The following PCMTD2 variants were observed in gnomAD, a reference collection of about 807,000 sequenced individuals.
PCMTD2 encodes the protein protein-L-isoaspartate O-methyltransferase domain-containing protein 2.
PCMTD2 carries 16 observed loss-of-function variants against 33.4 expected under a neutral mutation model. The observed-to-expected ratio is 0.48, with a 90% CI of 0.32 to 0.73. The LOEUF (loss-of-function observed/expected upper bound fraction) is 0.73. Ranked by LOEUF, PCMTD2 falls within the 30% of genes least tolerant of loss-of-function variation. The pLI, the probability that PCMTD2 is intolerant of heterozygous loss-of-function variation, is 0.03. For synonymous variants in PCMTD2, 161 were observed against 160.8 expected (o/e 1.00, Z -0.01); for missense variants, 374 against 449.9 (o/e 0.83, Z 1.53).
At chr20:64,264,572 T>G (rs753814481) in intron 3 of PCMTD2, 41 bp downstream of exon 3, 1 of 980,080 alleles carries the variant, frequency 1.0e-6, no homozygotes, top group South Asian at 1.3e-5. Context: ...TGATGTGAAC[T>G]GTAATTTTAC....
intron 1 of PCMTD2, among the ~76,000 whole-genome samples, chr20:64,258,359 A>G (rs945374977): frequency 6.6e-6 from 1 of 152,200 alleles, no homozygotes; most frequent in African/African-American, 2.4e-5. Context: ...TAATCTAACA[A>G]GGGCTCCGAA....
rs1426703277 is a variant in PCMTD2 at position 64,275,135 on chromosome 20, A to G, written c.*1535A>G. 2.0e-5 allele frequency: 3 copies of G among 152,202 alleles called. No homozygotes were observed. The highest frequency in any genetic ancestry group is 4.4e-5 in the Non-Finnish European group (3 of 68,022). 9.4% of individuals were successfully genotyped at this position (152,202 alleles called of 1,614,324 possible). On this transcript the variant is annotated 3_prime_UTR_variant, in exon 6 of 6. Coordinates refer to ENST00000308824, the MANE Select transcript of PCMTD2 (RefSeq NM_018257.3). ...CACAGTCCAGTTTGCATGTATAGCT[A>G]GGAAACATGTATTGCTCTAGATTGG...
chr20:64,256,257 G>C (rs1187235369), intron 1 of PCMTD2, among the ~76,000 whole-genome samples: 1 of 152,156 alleles, frequency 6.6e-6, no homozygotes, highest in Non-Finnish European at 1.5e-5. Context: ...AAGATGACAG[G>C]ATTTTTTAAA....
intron 5 of PCMTD2, among the ~76,000 whole-genome samples, chr20:64,269,582 CAGTG>C (rs1249539367): frequency 5.9e-5 from 9 of 152,138 alleles, no homozygotes; most frequent in African/African-American, 2.2e-4. Context: ...TTGGTAAAGA[CAGTG>C]GAGTAGAAAA....
At chr20:64,265,229 T>G in intron 3 of PCMTD2, 29 bp from the exon 4 acceptor site, 3 of 1,558,094 alleles carry the variant, frequency 1.9e-6, no homozygotes, top group Non-Finnish European at 2.6e-6. Context: ...GTGATACTTT[T>G]AGTTGCAGGA....
intron 5 of PCMTD2, among the ~76,000 whole-genome samples, chr20:64,268,749 A>G (rs188665528): frequency 2.0e-5 from 3 of 152,190 alleles, no homozygotes; most frequent in Non-Finnish European, 4.4e-5. Context: ...AGTTTTGCAA[A>G]AAGTTTTACA....
chr20:64,267,828 A>C, intron 4 of PCMTD2, 59 bp from the exon 5 acceptor site: 1 of 1,480,398 alleles, frequency 6.8e-7, no homozygotes, highest in Non-Finnish European at 9.4e-7. Flanking sequence ...AGGAATGATT[A>C]AATATGAGCT....
intron 5 of PCMTD2, among the ~76,000 whole-genome samples, chr20:64,268,505 T>C (rs969123007): frequency 2.0e-5 from 3 of 152,216 alleles, no homozygotes; most frequent in African/African-American, 7.2e-5. Flanking sequence ...GCCGAGCCTT[T>C]GTGTTTCACT....
intron 5 of PCMTD2, among the ~76,000 whole-genome samples, chr20:64,270,233 T>G (rs1305843313): frequency 7.0e-6 from 1 of 143,508 alleles, no homozygotes; most frequent in Non-Finnish European, 1.5e-5. Context: ...GTCATGTGAG[T>G]GCACGGTGTG....
At chr20:64,265,643 G>A in intron 4 of PCMTD2, 1 of 405,484 alleles carries the variant, frequency 2.5e-6, no homozygotes. Context: ...CACGTGAAAC[G>A]CTTTTCTCCA....
At chr20:64,269,188 C>T (rs1021195513) in intron 5 of PCMTD2, among the ~76,000 whole-genome samples, 11 of 152,282 alleles carry the variant, frequency 7.2e-5, no homozygotes, top group African/African-American at 2.4e-4. Flanking sequence ...GCCTGGTTGT[C>T]GTCGGGTGGA....
intron 2 of PCMTD2, 77 bp downstream of exon 2, chr20:64,260,349 G>A: frequency 9.9e-7 from 1 of 1,014,994 alleles, no homozygotes; most frequent in Non-Finnish European, 1.5e-6. Flanking sequence ...AATGTAGTCT[G>A]CTAATGGCCT....
At position 64,274,300 on chromosome 20, in the gene PCMTD2, T is replaced by G. The variant is rs1389488030; in HGVS notation, c.*700T>G. ...AATTCCGAGAGAATTCCAAAGAGGG[T>G]TTTTTTTTTTTTTTTTAGGACATCT... On this transcript the variant is annotated 3_prime_UTR_variant, in exon 6 of 6. Transcript: ENST00000308824. The G allele has an allele frequency of 3.9e-5, 3 of 77,052 alleles. No individual in the cohort carries two copies. The highest frequency in any genetic ancestry group is 2.5e-4 in the East Asian group (1 of 3,994). 4.8% of individuals were successfully genotyped at this position (77,052 alleles called of 1,614,324 possible).
At chr20:64,267,084 C>A (rs1282674917) in intron 4 of PCMTD2, among the ~76,000 whole-genome samples, 3 of 152,088 alleles carry the variant, frequency 2.0e-5, no homozygotes, top group Non-Finnish European at 4.4e-5. Flanking sequence ...TTAGAAAAGG[C>A]CAGCATATAA....
intron 3 of PCMTD2, 132 bp downstream of exon 3, chr20:64,264,663 T>C: frequency 1.6e-6 from 1 of 611,100 alleles, no homozygotes; most frequent in East Asian, 2.8e-5. Context: ...GTGCCTGTTC[T>C]AATTTTCAGA....
rs754163444 is a variant in PCMTD2, at chr20:64,273,261, C to T, written c.747C>T (p.Ile249=). ...AVRSLQDLAR[I]AIRGTIKKII... is the part of the protein sequence containing the mutation. ...GCAGCCTCCAGGACTTGGCTCGCAT[C>T]GCCATCCGGGGCACCATTAAAAAGA... The change falls in exon 6 of 6, where the codon ATC becomes ATT. Residue 249 remains isoleucine (I), a synonymous_variant. Transcript: ENST00000308824. 24 of 1,613,848 alleles carry T rather than the reference C, an allele frequency of 1.5e-5. No individual in the cohort carries two copies. Among genetic ancestry groups the T allele is most frequent in the Middle Eastern group, 1.6e-4 (1 of 6,084 alleles).
intron 1 of PCMTD2, 97 bp downstream of exon 1, chr20:64,255,967 G>C (rs921107939): frequency 1.4e-5 from 2 of 146,392 alleles, no homozygotes; most frequent in Non-Finnish European, 3.1e-5. Flanking sequence ...CCCACCCCCG[G>C]CACCCCTGCG....
intron 1 of PCMTD2, among the ~76,000 whole-genome samples, chr20:64,259,044 G>A (rs1214364578): frequency 6.6e-6 from 1 of 152,184 alleles, no homozygotes; most frequent in Non-Finnish European, 1.5e-5. Context: ...AAGGCAGGTT[G>A]GGAGAAGGTA....
chr20:64,265,159 C>A, intron 3 of PCMTD2, 99 bp from the exon 4 acceptor site: 1 of 771,756 alleles, frequency 1.3e-6, no homozygotes, highest in Non-Finnish European at 2.1e-6. Context: ...AACTGTGTTA[C>A]ATTGCTGTGG....
Sources: gnomAD v4.1 joint callset for allele counts (sites outside exome capture counted in the v4.1 genomes callset) on GRCh38, gnomAD v4.1.1 for gene constraint, MANE v1.5 for transcripts, NCBI Gene and HGNC (gene_info 2026-07-23, HGNC 2026-07-21) for gene names.